Variants in FAR1 observed in about 807,000 individuals in gnomAD.
The protein encoded by FAR1 is male sterility domain-containing protein 2.
Under a neutral mutation model 61.1 loss-of-function variants are expected in FAR1, and 22 were observed. That is an observed-to-expected ratio of 0.36 (90% confidence interval 0.26 to 0.51). The LOEUF (loss-of-function observed/expected upper bound fraction) is 0.51, where lower values mean the gene tolerates loss of function less well. Ranked by LOEUF, FAR1 falls within the 20% of genes least tolerant of loss-of-function variation. The probability of loss-of-function intolerance (pLI) is 0.95; values close to 1 mark genes in which losing one functional copy is unlikely to be tolerated. For missense variants in FAR1, 359 were observed against 626.9 expected (o/e 0.57, Z 4.56); for synonymous variants, 206 against 209.7 (o/e 0.98, Z 0.15).
chr11:13,714,398 A>G, intron 8 of FAR1, 111 bp from the exon 9 acceptor site: 1 of 1,088,496 alleles, frequency 9.2e-7, no homozygotes, highest in East Asian at 2.7e-5. Flanking sequence ...TAAATGTACG[A>G]ACTCTGACAT....
intron 10 of FAR1, among the ~76,000 whole-genome samples, chr11:13,723,650 C>CT (rs1230794768): frequency 6.6e-6 from 1 of 152,106 alleles, no homozygotes; most frequent in Non-Finnish European, 1.5e-5. Context: ...AATATTGCCT[C>CT]TTCACTATTC....
At chr11:13,671,325 G>A (rs1848001367) in intron 1 of FAR1, among the ~76,000 whole-genome samples, 1 of 152,158 alleles carries the variant, frequency 6.6e-6, no homozygotes, top group Non-Finnish European at 1.5e-5. Flanking sequence ...AATTAAAAAT[G>A]GTTTTTAAGG....
chr11:13,707,116 T>C (rs1035991612), intron 3 of FAR1, among the ~76,000 whole-genome samples: 1 of 152,202 alleles, frequency 6.6e-6, no homozygotes, highest in African/African-American at 2.4e-5. Context: ...TGTGATAAAA[T>C]ACTTACTTTA....
rs533561051 is a variant in FAR1, at chr11:13,714,073, T to G, written c.956-436T>G. Among the ~76,000 whole-genome samples, 3 of 152,262 alleles carry G rather than the reference T, an allele frequency of 2.0e-5. No homozygotes were observed. The East Asian group carries it at 5.8e-4, about 29-fold the overall frequency. ...ACAACAGAAGTTAATTTTGGGTTGTTTTAAGCCTGTTAATGTATGTTAATT... is the reference window on the plus strand; with the variant it reads ...ACAACAGAAGTTAATTTTGGGTTGTGTTAAGCCTGTTAATGTATGTTAATT... On this transcript the variant is annotated intron_variant, in intron 8 of 11. Coordinates refer to ENST00000354817, the MANE Select transcript of FAR1 (RefSeq NM_032228.6).
At chr11:13,697,571 C>G (rs532134066) in intron 2 of FAR1, among the ~76,000 whole-genome samples, 1 of 152,182 alleles carries the variant, frequency 6.6e-6, no homozygotes, top group African/African-American at 2.4e-5. Flanking sequence ...TAATTGGGTA[C>G]TAGTGGGTTG....
At chr11:13,689,613 T>C (rs1431207933) in intron 1 of FAR1, among the ~76,000 whole-genome samples, 2 of 152,206 alleles carry the variant, frequency 1.3e-5, no homozygotes, top group Non-Finnish European at 2.9e-5. Context: ...GCTTGTTCTT[T>C]TGATGAACAT....
intron 11 of FAR1, among the ~76,000 whole-genome samples, chr11:13,728,389 T>A (rs1015826562): frequency 2.6e-5 from 4 of 151,918 alleles, no homozygotes; most frequent in African/African-American, 9.7e-5. Flanking sequence ...ATTTTGTCTG[T>A]ACTGTGATGT....
intron 4 of FAR1, among the ~76,000 whole-genome samples, 182 bp downstream of exon 4, chr11:13,708,261 G>A (rs748452359): frequency 7.9e-5 from 12 of 151,904 alleles, no homozygotes; most frequent in Non-Finnish European, 1.0e-4. Context: ...CTACTTAGGA[G>A]GCTGAAGCAG....
At chr11:13,705,905 A>ACC (rs1252085142) in intron 3 of FAR1, among the ~76,000 whole-genome samples, 1 of 151,754 alleles carries the variant, frequency 6.6e-6, no homozygotes, top group Non-Finnish European at 1.5e-5. Flanking sequence ...CCCAAACAGT[A>ACC]CCCTCCCTAT....
intron 2 of FAR1, among the ~76,000 whole-genome samples, chr11:13,697,570 A>C (rs1227538143): frequency 6.6e-6 from 1 of 152,182 alleles, no homozygotes; most frequent in African/African-American, 2.4e-5. Context: ...CTAATTGGGT[A>C]CTAGTGGGTT....
intron 2 of FAR1, 77 bp from the exon 3 acceptor site, chr11:13,700,236 TGGTG>T: frequency 9.7e-7 from 1 of 1,031,888 alleles, no homozygotes; most frequent in Non-Finnish European, 1.4e-6. Context: ...TAGTCATCCT[TGGTG>T]GGAAAAAAAT....
At chr11:13,680,065 AT>A (rs894722710) in intron 1 of FAR1, among the ~76,000 whole-genome samples, 30 of 152,252 alleles carry the variant, frequency 2.0e-4, no homozygotes, top group Admixed American at 4.6e-4. Context: ...GGACACTAGC[AT>A]CTTTTATTGA....
At position 13,732,104 on chromosome 11, in the gene FAR1, A is replaced by T. The variant is rs1848733320; in HGVS notation, c.*3330A>T. 6.7e-6 allele frequency: 1 copy of T among 149,530 alleles called. No individual in the cohort carries two copies. The highest frequency in any genetic ancestry group is 1.5e-5 in the Non-Finnish European group (1 of 67,604). The allele number at this position is 149,530 out of a possible 1,614,324, so 9.3% of individuals were successfully genotyped here. On this transcript the variant is annotated 3_prime_UTR_variant, in exon 12 of 12. Transcript: ENST00000354817. ...TATGCCACGTAACTGGATTACAGAAATGAGTTAATTGTCTCTGTGATAAAA... is the reference window on the plus strand; with the variant it reads ...TATGCCACGTAACTGGATTACAGAATTGAGTTAATTGTCTCTGTGATAAAA...
chr11:13,727,724 T>C (rs1848682102), intron 11 of FAR1, 41 bp downstream of exon 11: 6 of 1,546,360 alleles, frequency 3.9e-6, no homozygotes, highest in Non-Finnish European at 5.2e-6. Context: ...TTGTCTTCCT[T>C]ATGAAATATT....
At chr11:13,708,152 A>G in intron 4 of FAR1, 73 bp downstream of exon 4, 1 of 1,076,500 alleles carries the variant, frequency 9.3e-7, no homozygotes. Flanking sequence ...TCATGAGGTC[A>G]GGAGTTCAAG....
At chr11:13,708,336 C>A (rs1243123264) in intron 4 of FAR1, among the ~76,000 whole-genome samples, 1 of 151,338 alleles carries the variant, frequency 6.6e-6, no homozygotes, top group Admixed American at 6.6e-5. Context: ...CCAACCTGGG[C>A]AACACAGTGA....
rs1317788353 is a variant in FAR1 at position 13,729,509 on chromosome 11, C to CTGT, written c.*737_*739dup. On this transcript the variant is annotated 3_prime_UTR_variant, in exon 12 of 12. Transcript: ENST00000354817. Reference sequence around the variant, plus strand: ...GAAAGTGAAAACAAATTCCGTAAAACTGTTAGTATCAAAAAGAATAGGAAT... The same window carrying CTGT: ...GAAAGTGAAAACAAATTCCGTAAAACTGTTGTTAGTATCAAAAAGAATAGGAAT... 1 of 151,978 alleles carries CTGT rather than the reference C, an allele frequency of 6.6e-6. No homozygotes were observed. Among genetic ancestry groups the CTGT allele is most frequent in the East Asian group, 1.9e-4 (1 of 5,182 alleles). 9.4% of individuals were successfully genotyped at this position (151,978 alleles called of 1,614,324 possible).
At chr11:13,711,180 A>C (rs1848494861) in intron 5 of FAR1, 1 of 332,796 alleles carries the variant, frequency 3.0e-6, no homozygotes, top group South Asian at 3.4e-5. Flanking sequence ...ACCTTCCAGG[A>C]GGTAGACCCC....
At chr11:13,715,725 A>G (rs1848548199) in intron 9 of FAR1, 2 of 152,106 alleles carry the variant, frequency 1.3e-5, no homozygotes, top group East Asian at 1.9e-4. Flanking sequence ...AAGATCTCCT[A>G]CTGTCTTTAC....
Sources: allele counts gnomAD v4.1 joint callset (sites outside exome capture counted in the v4.1 genomes callset), GRCh38; gene constraint gnomAD v4.1.1; transcripts MANE v1.5; gene names NCBI Gene and HGNC (gene_info 2026-07-23, HGNC 2026-07-21).